The following AGMO variants were observed in gnomAD, a reference collection of about 807,000 sequenced individuals.
AGMO encodes the protein alkylglycerol monooxygenase.
Under a neutral mutation model 60.2 loss-of-function variants are expected in AGMO, and 75 were observed. That is an observed-to-expected ratio of 1.25 (90% CI 1.03 to 1.51). The LOEUF is 1.51. Among genes scored for constraint, AGMO ranks in the 40% most tolerant of loss-of-function variants. AGMO has a pLI of 0.00. For synonymous variants in AGMO, 261 were observed against 177.1 expected (o/e 1.47, Z -3.76); for missense variants, 763 against 525.5 (o/e 1.45, Z -4.42).
At chr7:15,289,564 T>G (rs1351720615) in intron 12 of AGMO, among the ~76,000 whole-genome samples, 1 of 152,124 alleles carries the variant, frequency 6.6e-6, no homozygotes, top group Non-Finnish European at 1.5e-5. Flanking sequence ...AAGGTCTAAT[T>G]GCATAAGCAG....
At chr7:15,454,588 A>AGT (rs994353149) in intron 3 of AGMO, among the ~76,000 whole-genome samples, 9 of 151,914 alleles carry the variant, frequency 5.9e-5, no homozygotes, top group South Asian at 2.1e-4. Flanking sequence ...TTCCAATCTT[A>AGT]GTGTGTGTGT....
intron 2 of AGMO, among the ~76,000 whole-genome samples, chr7:15,550,177 G>A (rs965338951): frequency 6.6e-6 from 1 of 150,970 alleles, no homozygotes; most frequent in African/African-American, 2.4e-5. Flanking sequence ...GTGTGTAGAG[G>A]GAAATTTATA....
intron 12 of AGMO, among the ~76,000 whole-genome samples, chr7:15,279,115 A>C (rs992444102): frequency 1.3e-5 from 2 of 152,158 alleles, no homozygotes; most frequent in Non-Finnish European, 2.9e-5. Context: ...TACAGTCTTC[A>C]GGCAGCTCCC....
intron 12 of AGMO, among the ~76,000 whole-genome samples, chr7:15,281,636 C>T (rs1783968497): frequency 6.6e-6 from 1 of 152,046 alleles, no homozygotes; most frequent in South Asian, 2.1e-4. Context: ...CAGTCTATTC[C>T]ACTGAGAGCT....
chr7:15,295,670 A>C (rs1281408865), intron 12 of AGMO, among the ~76,000 whole-genome samples: 1 of 152,122 alleles, frequency 6.6e-6, no homozygotes, highest in Admixed American at 6.6e-5. Context: ...ATTCATGAAA[A>C]TGTATAATGC....
chr7:15,146,628 C>T, the AGMO span, among the ~76,000 whole-genome samples: 4 of 152,024 alleles, frequency 2.6e-5, no homozygotes, highest in Non-Finnish European at 5.9e-5. Flanking sequence ...CTAAAACCAA[C>T]AAGCATTCTC....
At chr7:15,314,378 G>T (rs1004875978) in intron 12 of AGMO, among the ~76,000 whole-genome samples, 3 of 152,086 alleles carry the variant, frequency 2.0e-5, no homozygotes, top group African/African-American at 7.2e-5. Flanking sequence ...CATATATTTT[G>T]TTCAGTAACA....
In AGMO at chr7:15,514,453, C is replaced by T. The variant is rs77684024; in HGVS notation, c.409+30319G>A. ...AATGATTTCATTTAATCTCACCAAA[C>T]GTTGAGAGATATATAGTATTTATGC... On this transcript the variant is annotated intron_variant, in intron 3 of 12. Transcript: ENST00000342526. 8.9e-3 allele frequency among the ~76,000 whole-genome samples: 1,359 copies of T among 152,208 alleles called. 21 individuals are homozygous for T. Among genetic ancestry groups the T allele is most frequent in the African/African-American group, 0.031 (1,281 of 41,536 alleles).
At chr7:15,365,397 A>AAAAAAAAAAAAAG in intron 12 of AGMO, 117 bp downstream of exon 12, 1 of 486,326 alleles carries the variant, frequency 2.1e-6, no homozygotes, top group Admixed American at 3.9e-5. Context: ...AAAAAAAAAG[A>AAAAAAAAAAAAAG]TCAAGATTTC....
At chr7:15,203,624 C>T (rs1481951635) in intron 12 of AGMO, among the ~76,000 whole-genome samples, 1 of 151,884 alleles carries the variant, frequency 6.6e-6, no homozygotes, top group Non-Finnish European at 1.5e-5. Flanking sequence ...CAATGAAGAC[C>T]TTTGCTTAGG....
At chr7:15,493,361 A>ACACACACACACC (rs1352128354) in intron 3 of AGMO, among the ~76,000 whole-genome samples, 1 of 70,620 alleles carries the variant, frequency 1.4e-5, no homozygotes, top group Non-Finnish European at 2.6e-5. Flanking sequence ...ACACACACAC[A>ACACACACACACC]CTTCTTTTTT....
downstream of AGMO, among the ~76,000 whole-genome samples, chr7:15,196,838 G>A (rs1781129104): frequency 6.6e-6 from 1 of 152,154 alleles, no homozygotes; most frequent in Admixed American, 6.5e-5. Context: ...TGGGGTGCCT[G>A]GGTGGTTGAA....
At chr7:15,215,174 G>C (rs868059995) in intron 12 of AGMO, among the ~76,000 whole-genome samples, 2 of 151,882 alleles carry the variant, frequency 1.3e-5, no homozygotes, top group Non-Finnish European at 2.9e-5. Context: ...TTACTACAAG[G>C]GTTCTCCTTG....
At chr7:15,383,198 T>C (rs1039528649) in intron 10 of AGMO, among the ~76,000 whole-genome samples, 2 of 152,114 alleles carry the variant, frequency 1.3e-5, no homozygotes, top group African/African-American at 4.8e-5. Flanking sequence ...ATGGCAGTAT[T>C]TTACCTAGAG....
At chr7:15,550,580 A>T (rs1207670967) in intron 2 of AGMO, among the ~76,000 whole-genome samples, 3 of 151,798 alleles carry the variant, frequency 2.0e-5, no homozygotes, top group African/African-American at 7.2e-5. Flanking sequence ...AAATGGATAA[A>T]TTCCTTGACA....
At chr7:15,246,345 C>A (rs1782741614) in intron 12 of AGMO, among the ~76,000 whole-genome samples, 1 of 152,072 alleles carries the variant, frequency 6.6e-6, no homozygotes, top group South Asian at 2.1e-4. Flanking sequence ...AAACAGTCTC[C>A]AAAAGATGTT....
chr7:15,286,783 T>C (rs1223436753), intron 12 of AGMO, among the ~76,000 whole-genome samples: 1 of 152,162 alleles, frequency 6.6e-6, no homozygotes, highest in African/African-American at 2.4e-5. Flanking sequence ...TACATGTTTG[T>C]TAGAGCACAA....
intron 12 of AGMO, among the ~76,000 whole-genome samples, chr7:15,293,195 C>G (rs866175539): frequency 6.6e-6 from 1 of 152,100 alleles, no homozygotes; most frequent in African/African-American, 2.4e-5. Context: ...TTACTTAAAG[C>G]TTATTATCTT....
intron 12 of AGMO, among the ~76,000 whole-genome samples, chr7:15,225,826 G>A (rs988670394): frequency 1.3e-5 from 2 of 151,962 alleles, no homozygotes; most frequent in African/African-American, 4.8e-5. Context: ...ATATTTAAGA[G>A]TTGATTAATC....
Sources: gnomAD v4.1 joint callset for allele counts (sites outside exome capture counted in the v4.1 genomes callset) on GRCh38, gnomAD v4.1.1 for gene constraint, MANE v1.5 for transcripts, NCBI Gene and HGNC (gene_info 2026-07-23, HGNC 2026-07-21) for gene names.